The following PTPRD variants were observed in gnomAD, a reference collection of about 807,000 sequenced individuals.
PTPRD encodes the protein protein tyrosine phosphatase receptor type D.
Under a neutral mutation model 214.5 loss-of-function variants are expected in PTPRD, and 34 were observed. That is an observed-to-expected ratio of 0.16 (90% CI 0.12 to 0.21). The LOEUF is 0.21. PTPRD is among the 10% of genes least tolerant of loss of function. PTPRD has a pLI of 1.00. For missense variants in PTPRD, 2,545 were observed against 2,398.7 expected, an observed-to-expected ratio of 1.06 and a Z score of -1.27; for synonymous variants, 1,128 against 845.7, an observed-to-expected ratio of 1.33 and a Z score of -5.79.
intron 4 of PTPRD, among the ~76,000 whole-genome samples, chr9:10,000,994 A>G (rs564236102): frequency 3.4e-4 from 51 of 152,098 alleles, no homozygotes; most frequent in Non-Finnish European, 6.0e-4. Flanking sequence ...GCTTCCCAAT[A>G]TTACCGACCA....
intron 2 of PTPRD, among the ~76,000 whole-genome samples, chr9:10,560,683 TC>T (rs2063734794): frequency 6.6e-6 from 1 of 152,092 alleles, no homozygotes; most frequent in Non-Finnish European, 1.5e-5. Flanking sequence ...ATACATCCAA[TC>T]CCCAGAATAC....
chr9:10,398,028 A>C (rs1040324509), intron 2 of PTPRD, among the ~76,000 whole-genome samples: 2 of 151,584 alleles, frequency 1.3e-5, no homozygotes, highest in African/African-American at 4.8e-5. Context: ...CCATCTCTCA[A>C]ATCAAAACAA....
chr9:9,337,334 C>T (rs1441873276), intron 9 of PTPRD, among the ~76,000 whole-genome samples: 7 of 152,074 alleles, frequency 4.6e-5, no homozygotes. Flanking sequence ...TGTGTCCTCT[C>T]CTGCAGGTAG....
chr9:8,511,660 T>C (rs1327480493), intron 21 of PTPRD, among the ~76,000 whole-genome samples: 2 of 152,036 alleles, frequency 1.3e-5, no homozygotes, highest in African/African-American at 2.4e-5. Context: ...ATATTGACCA[T>C]AAACCAGATT....
intron 2 of PTPRD, among the ~76,000 whole-genome samples, chr9:10,469,846 T>G (rs544947098): frequency 2.1e-4 from 32 of 152,132 alleles, no homozygotes; most frequent in African/African-American, 6.5e-4. Context: ...ATCCTGACAT[T>G]TGTAGCAACA....
At chr9:8,425,618 T>A (rs1174052805) in intron 35 of PTPRD, among the ~76,000 whole-genome samples, 1 of 152,184 alleles carries the variant, frequency 6.6e-6, no homozygotes, top group Non-Finnish European at 1.5e-5. Flanking sequence ...CTCGTCAATA[T>A]TGTCCCACTC....
At chr9:10,202,139 A>C (rs753193475) in intron 3 of PTPRD, among the ~76,000 whole-genome samples, 2 of 152,166 alleles carry the variant, frequency 1.3e-5, no homozygotes, top group Non-Finnish European at 2.9e-5. Context: ...AAATTTCTAC[A>C]GTGCTTTTAT....
intron 39 of PTPRD, among the ~76,000 whole-genome samples, chr9:8,375,715 C>A (rs1452404206): frequency 6.6e-6 from 1 of 152,048 alleles, no homozygotes; most frequent in African/African-American, 2.4e-5. Flanking sequence ...TGGGAAAAGA[C>A]AATAGCAGTG....
intron 36 of PTPRD, among the ~76,000 whole-genome samples, chr9:8,397,365 T>G (rs543531693): frequency 6.6e-6 from 1 of 152,276 alleles, no homozygotes; most frequent in Admixed American, 6.5e-5. Context: ...TGTAATTGTT[T>G]TGATGTTAGA....
At chr9:9,853,262 C>G (rs931720271) in intron 5 of PTPRD, among the ~76,000 whole-genome samples, 1 of 152,200 alleles carries the variant, frequency 6.6e-6, no homozygotes, top group Non-Finnish European at 1.5e-5. Flanking sequence ...ATGGAAACAA[C>G]TGAACATGGG....
chr9:9,947,348 T>TAC, intron 4 of PTPRD, among the ~76,000 whole-genome samples: 1 of 47,942 alleles, frequency 2.1e-5, no homozygotes, highest in South Asian at 5.4e-4. Context: ...ATATATATAA[T>TAC]ATATATTATA....
intron 14 of PTPRD, among the ~76,000 whole-genome samples, chr9:8,595,946 C>A (rs1190437164): frequency 6.6e-6 from 1 of 152,102 alleles, no homozygotes; most frequent in Non-Finnish European, 1.5e-5. Flanking sequence ...TGTGCCTATG[C>A]CATTGTATAT....
chr9:9,661,366 G>C (rs887408986), intron 7 of PTPRD, among the ~76,000 whole-genome samples: 2 of 151,722 alleles, frequency 1.3e-5, no homozygotes, highest in Non-Finnish European at 2.9e-5. Flanking sequence ...TGCTAAACTA[G>C]ATTCAGTTCA....
At chr9:8,414,559 A>G (rs1217007621) in intron 35 of PTPRD, among the ~76,000 whole-genome samples, 1 of 152,004 alleles carries the variant, frequency 6.6e-6, no homozygotes, top group Non-Finnish European at 1.5e-5. Context: ...AGTTATAGGG[A>G]GAATGGAAGG....
At chr9:9,311,048 A>G (rs564026832) in intron 9 of PTPRD, among the ~76,000 whole-genome samples, 9 of 152,090 alleles carry the variant, frequency 5.9e-5, no homozygotes, top group African/African-American at 1.9e-4. Flanking sequence ...GCAAATTAAT[A>G]TGAGTACTGC....
intron 14 of PTPRD, among the ~76,000 whole-genome samples, chr9:8,566,384 T>C (rs1409050544): frequency 6.6e-6 from 1 of 152,172 alleles, no homozygotes; most frequent in Non-Finnish European, 1.5e-5. Flanking sequence ...CTAGGATACT[T>C]GGGAGTTACA....
At chr9:9,393,458 G>C (rs983035210) in intron 9 of PTPRD, among the ~76,000 whole-genome samples, 9 of 152,058 alleles carry the variant, frequency 5.9e-5, no homozygotes, top group Non-Finnish European at 1.3e-4. Context: ...TATAGAAAGA[G>C]GGGCCACATG....
intron 2 of PTPRD, among the ~76,000 whole-genome samples, chr9:10,535,599 C>A (rs1053924695): frequency 6.6e-6 from 1 of 151,932 alleles, no homozygotes; most frequent in African/African-American, 2.4e-5. Context: ...GTTTTTATAG[C>A]CTTTTTTAAA....
intron 10 of PTPRD, among the ~76,000 whole-genome samples, chr9:9,181,260 C>G (rs10977552): frequency 0.39 from 58,357 of 151,490 alleles, 11,333 homozygotes; most frequent in Admixed American, 0.43. Context: ...TGAGGTGCAG[C>G]TGATTATGGT....
Sources: allele counts gnomAD v4.1 joint callset (sites outside exome capture counted in the v4.1 genomes callset), GRCh38; gene constraint gnomAD v4.1.1; transcripts MANE v1.5; gene names NCBI Gene and HGNC (gene_info 2026-07-23, HGNC 2026-07-21).